Variants in CHSY1 observed in about 807,000 individuals in gnomAD.
The protein encoded by CHSY1 is chondroitin sulfate synthase 1, also known as N-acetylgalactosaminyl-proteoglycan 3-beta-glucuronosyltransferase 1.
A neutral mutation model predicts 59.8 loss-of-function variants in CHSY1; 13 were observed. That is an observed-to-expected ratio of 0.22 (90% confidence interval 0.14 to 0.35). The LOEUF (loss-of-function observed/expected upper bound fraction) is 0.35, where lower values mean the gene tolerates loss of function less well. Ranked by LOEUF, CHSY1 falls within the 10% of genes least tolerant of loss-of-function variation. The pLI, the probability that CHSY1 is intolerant of heterozygous loss-of-function variation, is 1.00. For synonymous variants in CHSY1, 459 were observed against 401.2 expected (o/e 1.14, Z -1.72); for missense variants, 947 against 1,030.6 (o/e 0.92, Z 1.11).
chr15:101,200,936 C>T (rs2038567592), intron 2 of CHSY1, among the ~76,000 whole-genome samples: 1 of 152,184 alleles, frequency 6.6e-6, no homozygotes, highest in African/African-American at 2.4e-5. Context: ...GTGGATGAGG[C>T]AGGAGGTTCT....
At chr15:101,247,436 C>T (rs574007948) in intron 1 of CHSY1, among the ~76,000 whole-genome samples, 2 of 152,320 alleles carry the variant, frequency 1.3e-5, no homozygotes, top group South Asian at 2.1e-4. Context: ...CAGCATCCAT[C>T]ACTAGCAGAA....
At chr15:101,244,189 G>A (rs769756255) in intron 1 of CHSY1, among the ~76,000 whole-genome samples, 3 of 152,136 alleles carry the variant, frequency 2.0e-5, no homozygotes, top group Non-Finnish European at 4.4e-5. Flanking sequence ...AATGCCATCC[G>A]GAACCAGAAG....
At chr15:101,181,713 T>C (rs1169987458) in intron 2 of CHSY1, among the ~76,000 whole-genome samples, 1 of 152,222 alleles carries the variant, frequency 6.6e-6, no homozygotes, top group Non-Finnish European at 1.5e-5. Context: ...TGGAGACTTA[T>C]GGCTGAACAG....
chr15:101,187,655 C>T (rs1431052426), intron 2 of CHSY1: 2 of 152,142 alleles, frequency 1.3e-5, no homozygotes, highest in South Asian at 2.1e-4. Flanking sequence ...GAAAACACAA[C>T]TCAATCTAGA....
rs541118448 is a variant in CHSY1 at position 101,204,593 on chromosome 15, C to T, written c.817-25613G>A. On this transcript the variant is annotated intron_variant, in intron 2 of 2. Coordinates refer to ENST00000254190, the MANE Select transcript of CHSY1 (RefSeq NM_014918.5). The stretch of plus-strand genomic sequence containing the variant: ...TTTTTTCAAAATAAAAATTGCCCCC[C>T]AAAAAACAGTGGTTAAAAATGACCA... Among the ~76,000 whole-genome samples, 469 of 151,400 alleles carry T rather than the reference C, an allele frequency of 3.1e-3. 2 individuals are homozygous for T. Among genetic ancestry groups the T allele is most frequent in the Non-Finnish European group, 5.8e-3 (394 of 67,796 alleles).
chr15:101,231,901 C>G (rs767565186), intron 2 of CHSY1, among the ~76,000 whole-genome samples: 8 of 152,188 alleles, frequency 5.3e-5, no homozygotes, highest in Non-Finnish European at 1.0e-4. Context: ...TTGCTGACAC[C>G]ATGTGGCAAG....
intron 2 of CHSY1, among the ~76,000 whole-genome samples, chr15:101,204,027 A>AT (rs1325524695): frequency 1.3e-5 from 2 of 152,232 alleles, no homozygotes; most frequent in African/African-American, 4.8e-5. Flanking sequence ...AATTTCCCTG[A>AT]TTTTGATTAC....
intron 2 of CHSY1, among the ~76,000 whole-genome samples, chr15:101,181,778 G>C (rs2038282340): frequency 1.3e-5 from 2 of 152,152 alleles, no homozygotes; most frequent in South Asian, 4.1e-4. Context: ...GTGGATCCTT[G>C]AACGACGTGG....
chr15:101,221,739 C>T (rs1460282191), intron 2 of CHSY1, among the ~76,000 whole-genome samples: 1 of 152,112 alleles, frequency 6.6e-6, no homozygotes, highest in Non-Finnish European at 1.5e-5. Flanking sequence ...TGTACCTGTT[C>T]CAGGAGACGG....
chr15:101,231,209 G>T (rs188203180), intron 2 of CHSY1, among the ~76,000 whole-genome samples: 1 of 152,108 alleles, frequency 6.6e-6, no homozygotes, highest in African/African-American at 2.4e-5. Context: ...CTAAATGACC[G>T]CCTAGAAACA....
intron 2 of CHSY1, among the ~76,000 whole-genome samples, chr15:101,200,337 G>A (rs1485316063): frequency 1.3e-5 from 2 of 152,146 alleles, no homozygotes; most frequent in Non-Finnish European, 2.9e-5. Flanking sequence ...TTCACATGAC[G>A]GGTAAACACA....
At chr15:101,216,033 C>A (rs527354215) in intron 2 of CHSY1, among the ~76,000 whole-genome samples, 2 of 152,020 alleles carry the variant, frequency 1.3e-5, no homozygotes, top group South Asian at 2.1e-4. Flanking sequence ...ATTAGTCAGG[C>A]GTAAACATGC....
At chr15:101,189,522 G>A in intron 2 of CHSY1, 1 of 967,948 alleles carries the variant, frequency 1.0e-6, no homozygotes, top group Non-Finnish European at 1.2e-6. Flanking sequence ...AGGGAAGCTA[G>A]AAATCCAGCT....
intron 2 of CHSY1, among the ~76,000 whole-genome samples, chr15:101,218,943 A>G (rs2038761949): frequency 6.6e-6 from 1 of 152,238 alleles, no homozygotes; most frequent in Admixed American, 6.5e-5. Flanking sequence ...TTTACAATAA[A>G]AAGGTATAGT....
At position 101,177,114 on chromosome 15, in the gene CHSY1, A is replaced by T; in HGVS notation, c.*274T>A. ...CCATAGGACTGGAGCAAAGGGTCTC[A>T]AAAGAAAACATTTTTTTAAAAAAGT... On this transcript the variant is annotated 3_prime_UTR_variant, in exon 3 of 3. Transcript: ENST00000254190. 2.9e-6 allele frequency: 1 copy of T among 342,876 alleles called. No homozygotes were observed. Among genetic ancestry groups the T allele is most frequent in the Non-Finnish European group, 5.3e-6 (1 of 187,370 alleles). 21.2% of individuals were successfully genotyped at this position (342,876 alleles called of 1,614,324 possible). A position where few individuals can be genotyped will look rare whatever the true frequency, so the allele number is the denominator to read the frequency against.
At chr15:101,204,115 C>T (rs1345404467) in intron 2 of CHSY1, among the ~76,000 whole-genome samples, 6 of 152,102 alleles carry the variant, frequency 3.9e-5, no homozygotes, top group African/African-American at 1.4e-4. Context: ...AGCATTATAT[C>T]TGCAACTTCC....
At chr15:101,232,421 G>T (rs1248781456) in intron 2 of CHSY1, among the ~76,000 whole-genome samples, 1 of 151,826 alleles carries the variant, frequency 6.6e-6, no homozygotes, top group Non-Finnish European at 1.5e-5. Context: ...TTTATAAAAA[G>T]AAAAATAAAA....
intron 2 of CHSY1, among the ~76,000 whole-genome samples, chr15:101,206,911 AG>A (rs1484804122): frequency 6.6e-6 from 1 of 152,254 alleles, no homozygotes; most frequent in Non-Finnish European, 1.5e-5. Context: ...TCATAAAAAA[AG>A]TCTCTCTCCC....
At chr15:101,189,176 G>C (rs901772740) in intron 2 of CHSY1, among the ~76,000 whole-genome samples, 1 of 152,196 alleles carries the variant, frequency 6.6e-6, no homozygotes, top group Non-Finnish European at 1.5e-5. Flanking sequence ...GTCCCAGCCC[G>C]GGCCTGCCAC....
Sources: gnomAD v4.1 joint callset for allele counts (sites outside exome capture counted in the v4.1 genomes callset) on GRCh38, gnomAD v4.1.1 for gene constraint, MANE v1.5 for transcripts, NCBI Gene and HGNC (gene_info 2026-07-23, HGNC 2026-07-21) for gene names.